The following PTPN13 variants were observed in gnomAD, a reference collection of about 807,000 sequenced individuals.
PTPN13 encodes the protein protein tyrosine phosphatase non-receptor type 13.
PTPN13 carries 191 observed loss-of-function variants against 284.0 expected under a neutral mutation model. That is an observed-to-expected ratio of 0.67 (90% CI 0.60 to 0.76). The LOEUF is 0.76. Among genes scored for constraint, PTPN13 ranks in the 30% least tolerant of loss-of-function variants. The pLI is 0.00. For synonymous variants in PTPN13, 986 were observed against 1,022.3 expected (o/e 0.96, Z 0.68); for missense variants, 2,797 against 2,939.9 (o/e 0.95, Z 1.12).
chr4:86,720,083 T>G (rs1381377444), intron 9 of PTPN13, among the ~76,000 whole-genome samples: 1 of 152,188 alleles, frequency 6.6e-6, no homozygotes, highest in African/African-American at 2.4e-5. Context: ...TAGTTACTAT[T>G]ATGCCCACTT....
At chr4:86,622,348 T>G (rs1052355770) in intron 1 of PTPN13, among the ~76,000 whole-genome samples, 39 of 152,328 alleles carry the variant, frequency 2.6e-4, no homozygotes, top group African/African-American at 9.1e-4. Flanking sequence ...TTGAGAGAGA[T>G]AATTACAGAA....
intron 2 of PTPN13, among the ~76,000 whole-genome samples, chr4:86,654,208 C>A (rs1725462167): frequency 6.6e-6 from 1 of 151,966 alleles, no homozygotes; most frequent in Admixed American, 6.6e-5. Context: ...ACAAAAAAAC[C>A]CTTCAAAAAA....
chr4:86,663,494 G>A (rs547316894), intron 2 of PTPN13, among the ~76,000 whole-genome samples: 1 of 152,268 alleles, frequency 6.6e-6, no homozygotes, highest in South Asian at 2.1e-4. Flanking sequence ...TATACAAAGG[G>A]CACCTCTTGA....
chr4:86,808,782 A>C (rs922411050), intron 45 of PTPN13, among the ~76,000 whole-genome samples: 2 of 152,220 alleles, frequency 1.3e-5, no homozygotes, highest in Admixed American at 1.3e-4. Flanking sequence ...AACACAGACA[A>C]AAAATATTTC....
chr4:86,726,053 C>A (rs1734212424), intron 10 of PTPN13, among the ~76,000 whole-genome samples: 1 of 149,666 alleles, frequency 6.7e-6, no homozygotes, highest in South Asian at 2.1e-4. Context: ...CCAGTTTTCC[C>A]AGCACCATGT....
Position 86,714,474 on chromosome 4 carries a change from A to G in PTPN13, c.1196-2056A>G, listed in dbSNP as rs528779186. Among the ~76,000 whole-genome samples, 9 of 152,016 alleles carry G rather than the reference A, an allele frequency of 5.9e-5. 1 individual carries two copies. In the East Asian group the frequency reaches 1.4e-3, roughly 23 times the overall value. Reference sequence around the variant, plus strand: ...TTTTCCCACTACCATTTGCAACTTCAGTCTCTCCCACTCAACGGGCTTATT... The same window carrying G: ...TTTTCCCACTACCATTTGCAACTTCGGTCTCTCCCACTCAACGGGCTTATT... On this transcript the variant is annotated intron_variant, in intron 7 of 47. Coordinates refer to ENST00000411767, the MANE Select transcript of PTPN13 (RefSeq NM_080683.3).
intron 1 of PTPN13, among the ~76,000 whole-genome samples, chr4:86,630,012 C>T (rs975183144): frequency 1.3e-5 from 2 of 152,228 alleles, no homozygotes; most frequent in Admixed American, 6.5e-5. Flanking sequence ...GTGATCCTCT[C>T]ACCTTGGCCT....
intron 14 of PTPN13, 122 bp downstream of exon 14, chr4:86,734,997 G>T: frequency 3.5e-6 from 4 of 1,152,936 alleles, no homozygotes; most frequent in Middle Eastern, 4.3e-4. Flanking sequence ...AGGCTTCTTT[G>T]GTTCCTCAGA....
intron 35 of PTPN13, among the ~76,000 whole-genome samples, chr4:86,780,004 T>A (rs1399020825): frequency 1.3e-5 from 2 of 152,148 alleles, no homozygotes; most frequent in Non-Finnish European, 2.9e-5. Context: ...ATAATGAATA[T>A]TAGCAGTGTT....
Position 86,769,887 on chromosome 4 carries a change from C to A in PTPN13, c.4608C>A (p.Leu1536=). 2.2e-5 allele frequency: 36 copies of A among 1,613,926 alleles called. No individual in the cohort carries two copies. Among genetic ancestry groups the A allele is most frequent in the Non-Finnish European group, 3.1e-5 (36 of 1,179,862 alleles). The part of the protein sequence containing the change: ...INASIVRVKK[L]FPGQPAAESG... ...CCAGCATAGTAAGGGTTAAAAAGCTCTTTCCTGGACAGCCAGCAGCAGAAA... is the reference window on the plus strand; with the variant it reads ...CCAGCATAGTAAGGGTTAAAAAGCTATTTCCTGGACAGCCAGCAGCAGAAA... Residue 1536 remains leucine (L), a synonymous_variant, in exon 29 of 48, where the codon CTC becomes CTA. Transcript: ENST00000411767.
chr4:86,598,715 G>C (rs1247446004), intron 1 of PTPN13, among the ~76,000 whole-genome samples: 1 of 151,788 alleles, frequency 6.6e-6, no homozygotes, highest in Non-Finnish European at 1.5e-5. Flanking sequence ...TAGTTTAGTA[G>C]TATTCAACTC....
chr4:86,677,477 G>C (rs1236174524), intron 3 of PTPN13, among the ~76,000 whole-genome samples: 1 of 151,510 alleles, frequency 6.6e-6, no homozygotes, highest in Non-Finnish European at 1.5e-5. Context: ...ACCACACCCA[G>C]CTAAGTTTTG....
intron 1 of PTPN13, among the ~76,000 whole-genome samples, chr4:86,600,667 T>C (rs1352076586): frequency 1.3e-5 from 2 of 152,016 alleles, no homozygotes; most frequent in Admixed American, 1.3e-4. Context: ...GTTAAAGATA[T>C]TCAAAGTTGT....
At chr4:86,719,347 T>C (rs1158498951) in intron 9 of PTPN13, among the ~76,000 whole-genome samples, 2 of 152,216 alleles carry the variant, frequency 1.3e-5, no homozygotes, top group Non-Finnish European at 2.9e-5. Flanking sequence ...CCATTGTGTA[T>C]ATGTACCACA....
At chr4:86,674,639 T>C (rs370526458) in intron 3 of PTPN13, among the ~76,000 whole-genome samples, 12 of 152,076 alleles carry the variant, frequency 7.9e-5, no homozygotes, top group African/African-American at 2.7e-4. Flanking sequence ...CAAGCAACCA[T>C]TGAAAGGAGA....
chr4:86,767,743 A>G, intron 27 of PTPN13, 74 bp from the exon 28 acceptor site: 3 of 1,251,202 alleles, frequency 2.4e-6, no homozygotes, highest in Admixed American at 2.9e-5. Flanking sequence ...ACCATTAACT[A>G]TACAAAGTCC....
chr4:86,651,769 T>G (rs1371394673), intron 2 of PTPN13, among the ~76,000 whole-genome samples: 1 of 152,218 alleles, frequency 6.6e-6, no homozygotes, highest in Non-Finnish European at 1.5e-5. Context: ...TATTGGGATA[T>G]TGTTTCTCCT....
chr4:86,685,484 C>T (rs1729349513), intron 3 of PTPN13, among the ~76,000 whole-genome samples: 1 of 152,094 alleles, frequency 6.6e-6, no homozygotes, highest in African/African-American at 2.4e-5. Context: ...TTTTACATGC[C>T]TTTAGTCCCA....
chr4:86,653,509 T>TC, intron 2 of PTPN13, among the ~76,000 whole-genome samples: 1 of 151,256 alleles, frequency 6.6e-6, no homozygotes, highest in African/African-American at 2.4e-5. Flanking sequence ...TTTTTTTTTT[T>TC]GATTTTGTGT....
Sources: gnomAD v4.1 joint callset for allele counts (sites outside exome capture counted in the v4.1 genomes callset) on GRCh38, gnomAD v4.1.1 for gene constraint, MANE v1.5 for transcripts, NCBI Gene and HGNC (gene_info 2026-07-23, HGNC 2026-07-21) for gene names.